The following PRDM16 variants were observed in gnomAD, a reference collection of about 807,000 sequenced individuals.
PRDM16 encodes the protein histone-lysine N-methyltransferase PRDM16.
PRDM16 carries 23 observed loss-of-function variants against 110.6 expected under a neutral mutation model. The observed-to-expected ratio is 0.21, with a 90% confidence interval of 0.15 to 0.29. PRDM16 has a LOEUF of 0.29. Ranked by LOEUF, PRDM16 falls within the 10% of genes least tolerant of loss-of-function variation. The pLI is 1.00. For synonymous variants in PRDM16, 799 were observed against 781.8 expected (o/e 1.02, Z -0.37); for missense variants, 1,615 against 1,794.3 (o/e 0.90, Z 1.81).
chr1:3,285,961 A>T (rs991508909), intron 3 of PRDM16, among the ~76,000 whole-genome samples: 2 of 152,258 alleles, frequency 1.3e-5, no homozygotes, highest in East Asian at 3.9e-4. Context: ...ACAAGGAAAA[A>T]TAAATATCAA....
At chr1:3,278,434 A>T (rs1004906323) in intron 3 of PRDM16, among the ~76,000 whole-genome samples, 5 of 152,192 alleles carry the variant, frequency 3.3e-5, no homozygotes, top group African/African-American at 1.2e-4. Flanking sequence ...AGAGTGTGGG[A>T]GGGGCCTGTG....
Position 3,425,571 on chromosome 1 carries a change from C to T in PRDM16, c.2940-10C>T. On this transcript the variant is annotated splice_polypyrimidine_tract_variant and intron_variant, in intron 12 of 16. Coordinates refer to ENST00000270722, the MANE Select transcript of PRDM16 (RefSeq NM_022114.4). This position sits in a 1 kb window ranked among gnomAD's most constrained non-coding sequence, Gnocchi z 6.9. ...GGGCCTGCACTGAGGAGCGCGTGTG[C>T]CCCTTCCAGGTGTAAGTACTGCGAC... The T allele has an allele frequency of 1.2e-6, 2 of 1,613,074 alleles. No homozygotes were observed. The highest frequency in any genetic ancestry group is 1.7e-6 in the Non-Finnish European group (2 of 1,179,544).
rs1483701920 is a variant in PRDM16, at chr1:3,382,191, C to T, written c.439-2961C>T. Among the ~76,000 whole-genome samples, 1 of 152,206 alleles carries T rather than the reference C, an allele frequency of 6.6e-6. No homozygotes were observed. Among genetic ancestry groups the T allele is most frequent in the Non-Finnish European group, 1.5e-5 (1 of 68,024 alleles). On this transcript the variant is annotated intron_variant, in intron 3 of 16. Coordinates refer to ENST00000270722, the MANE Select transcript of PRDM16 (RefSeq NM_022114.4). The surrounding 1 kb of genome is among the most constrained non-coding windows in gnomAD (Gnocchi z 6.6). The stretch of plus-strand genomic sequence containing the variant: ...GGGGCTGGTGGCCCTGGGTCTGCAC[C>T]CTAGAGGATGGGAAGCCTGCCTCCC...
At chr1:3,191,114 C>T (rs777627206) in intron 2 of PRDM16, among the ~76,000 whole-genome samples, 7 of 152,196 alleles carry the variant, frequency 4.6e-5, no homozygotes, top group African/African-American at 9.6e-5. Flanking sequence ...AAGGCATCAG[C>T]GGCCCTGCCT....
chr1:3,305,789 G>A lies in PRDM16; in HGVS notation c.438+61652G>A, dbSNP rs192135708. ...ATCTCCACAGACTGCTGGCAGCTTC[G>A]CCTATCAGAACAGGACTGAGATCCA... is the stretch of plus-strand genomic sequence containing the variant. On this transcript the variant is annotated intron_variant, in intron 3 of 16. Coordinates refer to ENST00000270722, the MANE Select transcript of PRDM16 (RefSeq NM_022114.4). Among the ~76,000 whole-genome samples, 7 of 152,342 alleles carry A rather than the reference G, an allele frequency of 4.6e-5. No individual in the cohort carries two copies. The East Asian group carries it at 1.2e-3, about 25-fold the overall frequency.
rs370493475 is a variant in PRDM16 at position 3,215,212 on chromosome 1, G to T, written c.387+28738G>T. 2.0e-5 allele frequency among the ~76,000 whole-genome samples: 3 copies of T among 152,202 alleles called. No individual in the cohort carries two copies. In the East Asian group the frequency reaches 5.8e-4, roughly 29 times the overall value. ...CAAGAAGTCCACTCCTACTGCTAAG[G>T]AATCTGTCATTCAATAAACAGGATC... On this transcript the variant is annotated intron_variant, in intron 2 of 16. Coordinates refer to ENST00000270722, the MANE Select transcript of PRDM16 (RefSeq NM_022114.4).
chr1:3,074,817 G>A (rs1049281340), intron 1 of PRDM16, among the ~76,000 whole-genome samples: 2 of 152,252 alleles, frequency 1.3e-5, no homozygotes, highest in African/African-American at 4.8e-5. Context: ...CCACCGCCCA[G>A]CAGTCAGGGG....
Position 3,429,556 on chromosome 1 carries a change from C to T in PRDM16, c.3285-1316C>T, listed in dbSNP as rs367693684. Among the ~76,000 whole-genome samples the T allele has an allele frequency of 7.9e-4, 121 of 152,334 alleles. 3 individuals carry two copies. In the South Asian group the frequency reaches 0.023, roughly 29 times the overall value. On this transcript the variant is annotated intron_variant, in intron 14 of 16. Coordinates refer to ENST00000270722, the MANE Select transcript of PRDM16 (RefSeq NM_022114.4). ...AGGGAGGGGTATGTCCTCGTGTCAT[C>T]GAGAGGGCACAGGCCCCAAAGACAG... is the stretch of plus-strand genomic sequence containing the variant.
chr1:3,288,317 C>T (rs1428643464), intron 3 of PRDM16, among the ~76,000 whole-genome samples: 5 of 152,198 alleles, frequency 3.3e-5, no homozygotes, highest in African/African-American at 1.2e-4. Flanking sequence ...TGGACCCAGG[C>T]TCAGGGGCAA....
At chr1:3,383,518 G>A (rs1436977779) in intron 3 of PRDM16, among the ~76,000 whole-genome samples, 1 of 152,186 alleles carries the variant, frequency 6.6e-6, no homozygotes, top group African/African-American at 2.4e-5. Flanking sequence ...GGAACACCAT[G>A]CACAGAGACC....
intron 5 of PRDM16, among the ~76,000 whole-genome samples, chr1:3,401,870 C>T (rs11576794): frequency 0.27 from 41,621 of 152,112 alleles, 6,972 homozygotes; most frequent in East Asian, 0.61. Context: ...TATGAAAACA[C>T]ACCAGTGCAC....
intron 3 of PRDM16, among the ~76,000 whole-genome samples, chr1:3,286,269 G>A (rs987578548): frequency 5.9e-5 from 9 of 152,234 alleles, no homozygotes; most frequent in African/African-American, 1.4e-4. Context: ...TGGGAAGCAC[G>A]TGTTGATAAA....
At chr1:3,241,109 C>G (rs1288082870) in intron 2 of PRDM16, among the ~76,000 whole-genome samples, 1 of 152,278 alleles carries the variant, frequency 6.6e-6, no homozygotes, top group Admixed American at 6.5e-5. Flanking sequence ...ATTTTTCCAG[C>G]CGAGGTCAGC....
intron 1 of PRDM16, among the ~76,000 whole-genome samples, chr1:3,146,881 TGTG>T (rs1317546328): frequency 1.1e-5 from 1 of 90,182 alleles, no homozygotes; most frequent in Non-Finnish European, 2.0e-5. Flanking sequence ...GTGTGTTTGG[TGTG>T]GGGTGTGTGT....
chr1:3,224,834 A>G (rs1449055313), intron 2 of PRDM16, among the ~76,000 whole-genome samples: 1 of 152,234 alleles, frequency 6.6e-6, no homozygotes, highest in Non-Finnish European at 1.5e-5. Context: ...GCTCCAGGCA[A>G]GAGCTCTGGG....
chr1:3,237,470 C>T (rs1456172019), intron 2 of PRDM16, among the ~76,000 whole-genome samples: 5 of 152,204 alleles, frequency 3.3e-5, no homozygotes, highest in Non-Finnish European at 7.3e-5. Flanking sequence ...GGGTCCTACC[C>T]ATTGTGTCTG....
intron 1 of PRDM16, among the ~76,000 whole-genome samples, chr1:3,154,769 C>G (rs1314373113): frequency 1.3e-5 from 2 of 152,194 alleles, no homozygotes; most frequent in Non-Finnish European, 2.9e-5. Flanking sequence ...TCTCACTCCT[C>G]TACCAGGAAC....
At chr1:3,258,187 C>T (rs979932508) in intron 3 of PRDM16, among the ~76,000 whole-genome samples, 5 of 152,172 alleles carry the variant, frequency 3.3e-5, no homozygotes, top group Admixed American at 1.3e-4. Flanking sequence ...CTGAGATGCC[C>T]GTGTCCTCCT....
intron 3 of PRDM16, among the ~76,000 whole-genome samples, chr1:3,251,469 CAG>C (rs1030610660): frequency 2.6e-5 from 4 of 152,146 alleles, no homozygotes; most frequent in African/African-American, 7.2e-5. Context: ...AGGGACCAGT[CAG>C]GGTGGTGGGA....
Sources: allele counts gnomAD v4.1 joint callset (sites outside exome capture counted in the v4.1 genomes callset), GRCh38; gene constraint gnomAD v4.1.1; non-coding constraint Gnocchi (gnomAD v3.1); transcripts MANE v1.5; gene names NCBI Gene and HGNC (gene_info 2026-07-23, HGNC 2026-07-21).